GCSAML: variants seen among roughly 807,000 people sequenced by gnomAD.
GCSAML encodes germinal center-associated signaling and motility-like protein.
In GCSAML, 9 loss-of-function variants were observed where a neutral mutation model predicts 13.0. That is an observed-to-expected ratio of 0.69 (90% confidence interval 0.42 to 1.21). GCSAML has a LOEUF of 1.21. GCSAML is among the 50% of genes most tolerant of loss of function. GCSAML has a pLI of 0.00. For synonymous variants in GCSAML, 37 were observed against 52.9 expected, an observed-to-expected ratio of 0.70 and a Z score of 1.31; for missense variants, 143 against 153.4, an observed-to-expected ratio of 0.93 and a Z score of 0.36.
At chr1:247,531,901 C>CT in intron 2 of GCSAML, 1 of 1,614,176 alleles carries the variant, frequency 6.2e-7, no homozygotes, top group East Asian at 2.2e-5. Context: ...AAAGACAAAG[C>CT]TGGCCAGGTA....
intron 2 of GCSAML, among the ~76,000 whole-genome samples, chr1:247,539,041 G>C (rs751821140): frequency 2.0e-5 from 3 of 152,170 alleles, no homozygotes; most frequent in Non-Finnish European, 2.9e-5. Flanking sequence ...CCATGGCACC[G>C]TATGCCAATC....
chr1:247,545,929 T>G (rs1667552345), upstream of GCSAML, among the ~76,000 whole-genome samples: 1 of 152,088 alleles, frequency 6.6e-6, no homozygotes, highest in South Asian at 2.1e-4. Context: ...AGTGTAGATC[T>G]CATGTTAATT....
chr1:247,569,669 A>G (rs1400359635), intron 4 of GCSAML, among the ~76,000 whole-genome samples: 1 of 151,830 alleles, frequency 6.6e-6, no homozygotes, highest in South Asian at 2.1e-4. Flanking sequence ...GAAATTTTCT[A>G]TTTTTGTTTT....
At chr1:247,555,907 T>A (rs1362170624) in intron 1 of GCSAML, among the ~76,000 whole-genome samples, 4 of 152,146 alleles carry the variant, frequency 2.6e-5, no homozygotes, top group Non-Finnish European at 5.9e-5. Context: ...AAAGTCAGCT[T>A]TCCTGAATGT....
exon 1 of GCSAML, chr1:247,507,206 C>G (rs1665861527): frequency 6.6e-6 from 1 of 152,200 alleles, no homozygotes; most frequent in Non-Finnish European, 1.5e-5. Context: ...ATCTTACATA[C>G]ATGGATTCAA....
At position 247,527,173 on chromosome 1, in the gene GCSAML, C is replaced by A; in HGVS notation, c.-148+119C>A. 2.4e-6 allele frequency: 1 copy of A among 420,216 alleles called. No individual in the cohort carries two copies. The allele number at this position is 420,216 out of a possible 1,614,324, so 26.0% of individuals were successfully genotyped here. ...GACCAATCAGCCTGAGCATTTAAGG[C>A]AGTTGGAGGAGAGTGTGAGTTATGG... On this transcript the variant is annotated intron_variant, in intron 2 of 5. Coordinates refer to the GCSAML transcript ENST00000366489. This position sits in a 1 kb window ranked among gnomAD's most constrained non-coding sequence, Gnocchi z 4.6.
chr1:247,549,309 A>G (rs530479412), intron 1 of GCSAML, 89 bp downstream of exon 1: 1 of 1,143,514 alleles, frequency 8.7e-7, no homozygotes, highest in South Asian at 1.4e-5. Context: ...ATGGTGAGGT[A>G]CATTGTGCTT....
At chr1:247,523,779 A>G (rs1230658857) in intron 1 of GCSAML, among the ~76,000 whole-genome samples, 1 of 152,190 alleles carries the variant, frequency 6.6e-6, no homozygotes. Context: ...ATGACAAAAT[A>G]TACTATACAT....
At chr1:247,544,754 C>A (rs1487926093), upstream of GCSAML, among the ~76,000 whole-genome samples, 2 of 152,096 alleles carry the variant, frequency 1.3e-5, no homozygotes, top group African/African-American at 4.8e-5. Context: ...ACTCGGGAGC[C>A]CAAGGCAGGA....
At chr1:247,564,244 A>C (rs989913008) in intron 3 of GCSAML, among the ~76,000 whole-genome samples, 3 of 152,028 alleles carry the variant, frequency 2.0e-5, no homozygotes, top group Non-Finnish European at 2.9e-5. Flanking sequence ...TAAAAAGTGT[A>C]TTATTTTGTT....
At chr1:247,528,391 T>C (rs530829610) in intron 2 of GCSAML, 1 of 152,306 alleles carries the variant, frequency 6.6e-6, no homozygotes, top group African/African-American at 2.4e-5. Context: ...GGTGAGAGCG[T>C]TCAAAATCCT....
chr1:247,550,105 A>G (rs1311906221), intron 1 of GCSAML, among the ~76,000 whole-genome samples: 1 of 152,140 alleles, frequency 6.6e-6, no homozygotes, highest in African/African-American at 2.4e-5. Context: ...GTCTGTTTAG[A>G]TTCTTCTTGA....
At position 247,576,981 on chromosome 1, in the gene GCSAML, A is replaced by G. The variant is rs984190074; in HGVS notation, c.*2599A>G. 3 of 152,220 alleles carry G rather than the reference A, an allele frequency of 2.0e-5. No individual in the cohort carries two copies. Among genetic ancestry groups the G allele is most frequent in the African/African-American group, 7.2e-5 (3 of 41,472 alleles). The allele number at this position is 152,220 out of a possible 1,614,324, so 9.4% of individuals were successfully genotyped here. On this transcript the variant is annotated 3_prime_UTR_variant, in exon 5 of 5. Coordinates refer to ENST00000366488, the MANE Select transcript of GCSAML (RefSeq NM_145278.5). ...TAAACAGTATTGATTGGTAGAAGGA[A>G]CGTTGAAATCCAAGAGCATCAATGT...
Position 247,514,370 on chromosome 1 carries a change from TTA to T in GCSAML, c.-263+7138_-263+7139del, listed in dbSNP as rs528722307. ...TTGAGTTCTTTGTAGATTTTAGATA[TTA>T]GTCCTTTTTTGGATGTATAGATTGT... On this transcript the variant is annotated intron_variant, in intron 1 of 5. Transcript: ENST00000366489. Among the ~76,000 whole-genome samples, 58 of 152,332 alleles carry T rather than the reference TTA, an allele frequency of 3.8e-4. 1 individual carries two copies. In the South Asian group the frequency reaches 0.011, roughly 30 times the overall value.
chr1:247,543,891 G>A (rs1667486216), intron 2 of GCSAML, among the ~76,000 whole-genome samples: 1 of 152,074 alleles, frequency 6.6e-6, no homozygotes, highest in Non-Finnish European at 1.5e-5. Flanking sequence ...CTGGGCTCAA[G>A]GGATCCTCTA....
intron 3 of GCSAML, among the ~76,000 whole-genome samples, chr1:247,564,477 G>A (rs1024971012): frequency 6.6e-6 from 1 of 151,952 alleles, no homozygotes; most frequent in Non-Finnish European, 1.5e-5. Flanking sequence ...TGAATAACAG[G>A]GCTCAGCCCC....
intron 2 of GCSAML, among the ~76,000 whole-genome samples, chr1:247,563,138 C>CTG (rs1558258267): frequency 5.3e-5 from 8 of 152,018 alleles, no homozygotes; most frequent in South Asian, 2.1e-4. Context: ...ATAAGCCATC[C>CTG]CACCCGGCCA....
At chr1:247,565,812 C>T (rs1668328104) in intron 3 of GCSAML, 119 bp from the exon 4 acceptor site, 4 of 716,104 alleles carry the variant, frequency 5.6e-6, no homozygotes, top group Non-Finnish European at 9.2e-6. Context: ...GATAATAGGC[C>T]TCTGCAGTTT....
chr1:247,561,052 C>A (rs1210881305), intron 2 of GCSAML, among the ~76,000 whole-genome samples: 1 of 152,040 alleles, frequency 6.6e-6, no homozygotes, highest in Admixed American at 6.6e-5. Flanking sequence ...CTCCTGGGTT[C>A]CAGCAATTCT....
Sources: gnomAD v4.1 joint callset for allele counts (sites outside exome capture counted in the v4.1 genomes callset) on GRCh38, gnomAD v4.1.1 for gene constraint, Gnocchi (gnomAD v3.1) non-coding constraint, MANE v1.5 for transcripts, NCBI Gene and HGNC (gene_info 2026-07-23, HGNC 2026-07-21) for gene names.